Variants in ANK2 observed in about 807,000 individuals in gnomAD.
ANK2 encodes the protein ankyrin-2.
A neutral mutation model predicts 360.5 loss-of-function variants in ANK2; 83 were observed. That is an observed-to-expected ratio of 0.23 (90% confidence interval 0.19 to 0.28). The LOEUF is 0.28. Ranked by LOEUF, ANK2 falls within the 10% of genes least tolerant of loss-of-function variation. ANK2 has a pLI of 1.00. For missense variants in ANK2, 4,201 were observed against 4,795.7 expected (o/e 0.88, Z 3.66); for synonymous variants, 1,740 against 1,759.5 (o/e 0.99, Z 0.28).
intron 5 of ANK2, among the ~76,000 whole-genome samples, chr4:113,233,133 T>C (rs2099337432): frequency 2.2e-5 from 2 of 89,410 alleles, no homozygotes; most frequent in South Asian, 4.3e-4. Context: ...TTTTTTTTTT[T>C]TTTTTTTTTT....
In ANK2 at chr4:113,357,388, A is replaced by G. The variant is rs1182877426; in HGVS notation, c.8770A>G (p.Ile2924Val). ...GAATGATGAAATCTATGATCCACAA[A>G]TCACTAGCCCTTATGAAAATGTCCC... ...AENDEIYDPQ[I>V]TSPYENVPSQ... The change falls in exon 38 of 46, where the codon ATC becomes GTC. Residue 2924 changes from isoleucine to valine, a missense_variant. Ile to Val is a conservative substitution (Grantham distance 29, BLOSUM62 3). Around this residue, in one of 4 missense-constraint regions of ANK2, gnomAD observed 2,642 missense variants for 2,714.5 expected, o/e 0.97. Coordinates refer to ENST00000357077, the MANE Select transcript of ANK2 (RefSeq NM_001148.6). 3 of 1,613,892 alleles carry G rather than the reference A, an allele frequency of 1.9e-6. No homozygotes were observed. The highest frequency in any genetic ancestry group is 2.5e-6 in the Non-Finnish European group (3 of 1,179,970).
chr4:113,147,080 G>A (rs1197460049), intron 1 of ANK2, among the ~76,000 whole-genome samples: 1 of 152,022 alleles, frequency 6.6e-6, no homozygotes, highest in African/African-American at 2.4e-5. Flanking sequence ...AACATGAAGG[G>A]CAAATATTTG....
At chr4:113,076,541 A>G (rs1197075749) in intron 1 of ANK2, among the ~76,000 whole-genome samples, 1 of 152,184 alleles carries the variant, frequency 6.6e-6, no homozygotes, top group Non-Finnish European at 1.5e-5. Context: ...GCACAGTGTA[A>G]TGCCAGCACT....
At chr4:113,015,148 G>A (rs1289263475) in intron 2 of ANK2, among the ~76,000 whole-genome samples, 6 of 152,022 alleles carry the variant, frequency 3.9e-5, no homozygotes, top group African/African-American at 1.5e-4. Context: ...GTGAGCCACC[G>A]CGCCCGGCCA....
chr4:113,143,136 T>A (rs1203678229), intron 1 of ANK2, among the ~76,000 whole-genome samples: 1 of 152,176 alleles, frequency 6.6e-6, no homozygotes, highest in East Asian at 1.9e-4. Context: ...TATTTAGGTA[T>A]GGGAGGACAT....
intron 1 of ANK2, among the ~76,000 whole-genome samples, chr4:113,123,517 A>G (rs757965983): frequency 9.2e-5 from 14 of 152,182 alleles, no homozygotes; most frequent in Admixed American, 2.0e-4. Context: ...ATACTAAAAT[A>G]AAGTGTAAAG....
chr4:112,892,807 T>G (rs572809862), intron 1 of ANK2, among the ~76,000 whole-genome samples: 52 of 152,306 alleles, frequency 3.4e-4, no homozygotes, highest in South Asian at 1.4e-3. Flanking sequence ...GTTTATCCTT[T>G]TTGAATTCTG....
At position 113,255,880 on chromosome 4, in the gene ANK2, G is replaced by T. The variant is rs186264035; in HGVS notation, c.1136G>T (p.Arg379Leu). 354 of 1,614,122 alleles carry T rather than the reference G, an allele frequency of 2.2e-4. No individual in the cohort carries two copies. Among genetic ancestry groups the T allele is most frequent in the Non-Finnish European group, 2.9e-4 (347 of 1,180,012 alleles). The change falls in exon 11 of 46, where the codon CGT (arginine) becomes CTT (leucine). Residue 379 changes from arginine to leucine, a missense_variant. Around this residue, in one of 4 missense-constraint regions of ANK2, gnomAD observed 1,268 missense variants for 1,650.8 expected, o/e 0.77. Transcript: ENST00000357077. ...GTTGCTGCGCACTGTGGCCACTACCGTGTAACCAAACTCCTTTTAGACAAG... is the reference window on the plus strand; with the variant it reads ...GTTGCTGCGCACTGTGGCCACTACCTTGTAACCAAACTCCTTTTAGACAAG... ...LHVAAHCGHY[R>L]VTKLLLDKRA... is the part of the protein sequence containing the mutation.
intron 13 of ANK2, among the ~76,000 whole-genome samples, chr4:113,263,187 GAAAAAAAAA>G (rs762758720): frequency 1.6e-5 from 1 of 63,626 alleles, no homozygotes; most frequent in South Asian, 5.3e-4. Flanking sequence ...GACTCTGTCT[GAAAAAAAAA>G]AAAAAAAAAA....
chr4:113,346,136 C>T, intron 35 of ANK2, 114 bp downstream of exon 35: 1 of 1,216,760 alleles, frequency 8.2e-7, no homozygotes, highest in South Asian at 1.2e-5. Context: ...TTGCACTGAC[C>T]TAATAAAATG....
chr4:113,268,722 G>A (rs2153668376), intron 14 of ANK2, among the ~76,000 whole-genome samples: 1 of 152,172 alleles, frequency 6.6e-6, no homozygotes, highest in Middle Eastern at 3.4e-3. Context: ...TTTTTGTTGT[G>A]TCTCTGCCAG....
chr4:113,077,257 T>G (rs313963), intron 1 of ANK2, among the ~76,000 whole-genome samples: 1 of 151,894 alleles, frequency 6.6e-6, no homozygotes, highest in Non-Finnish European at 1.5e-5. Context: ...AAATAAGATT[T>G]AAAAAGTTAA....
rs142137451 is a variant in ANK2, at chr4:113,356,858, G to T, written c.8240G>T (p.Arg2747Leu). 6.2e-7 allele frequency: 1 copy of T among 1,614,012 alleles called. No individual in the cohort carries two copies. Among genetic ancestry groups the T allele is most frequent in the African/African-American group, 1.3e-5 (1 of 75,030 alleles). ...KDSESHLAED[R>L]HAVSTEAEDR... ...TCTGAATCCCATTTAGCTGAAGACC[G>T]TCATGCTGTTTCCACTGAGGCTGAA... The change falls in exon 38 of 46, where the codon CGT becomes CTT. Residue 2747 changes from arginine to leucine, a missense_variant. Around this residue, in one of 4 missense-constraint regions of ANK2, gnomAD observed 2,642 missense variants for 2,714.5 expected, o/e 0.97. Transcript: ENST00000357077.
At chr4:112,928,325 A>G (rs931460729) in intron 2 of ANK2, among the ~76,000 whole-genome samples, 1 of 152,094 alleles carries the variant, frequency 6.6e-6, no homozygotes, top group Non-Finnish European at 1.5e-5. Context: ...ATGGTACTAT[A>G]AAAATAGTAT....
At chr4:113,109,571 G>A (rs777211853) in intron 1 of ANK2, among the ~76,000 whole-genome samples, 7 of 152,112 alleles carry the variant, frequency 4.6e-5, no homozygotes, top group Admixed American at 3.3e-4. Flanking sequence ...ATTGACCTTC[G>A]ATATCTGCCT....
intron 2 of ANK2, chr4:113,034,065 C>A (rs2061041583): frequency 1.3e-5 from 2 of 151,854 alleles, no homozygotes; most frequent in African/African-American, 4.8e-5. Context: ...TGGGAATTAC[C>A]TAAAAAGTTC....
At chr4:113,320,480 C>G (rs1313485142) in intron 26 of ANK2, among the ~76,000 whole-genome samples, 1 of 152,024 alleles carries the variant, frequency 6.6e-6, no homozygotes, top group Non-Finnish European at 1.5e-5. Context: ...GGTGAAACCT[C>G]ATCTCTACTA....
intron 20 of ANK2, among the ~76,000 whole-genome samples, chr4:113,290,799 G>A (rs1221360305): frequency 3.9e-5 from 6 of 152,192 alleles, no homozygotes; most frequent in Non-Finnish European, 5.9e-5. Flanking sequence ...CTGGGGCTTA[G>A]AGAGGATTAA....
the ANK2 span, among the ~76,000 whole-genome samples, chr4:112,753,105 C>T: frequency 7.2e-5 from 11 of 152,328 alleles, no homozygotes; most frequent in Admixed American, 2.6e-4. Flanking sequence ...TTATTTTCCT[C>T]GAGCCTCAGG....
Sources: allele counts gnomAD v4.1 joint callset (sites outside exome capture counted in the v4.1 genomes callset), GRCh38; gene constraint gnomAD v4.1.1; regional missense constraint gnomAD v4.1.1; transcripts MANE v1.5; gene names NCBI Gene and HGNC (gene_info 2026-07-23, HGNC 2026-07-21).